Variants in TANGO6 observed in about 807,000 individuals in gnomAD.
TANGO6 encodes the protein transport and Golgi organization protein 6 homolog.
Under a neutral mutation model 114.2 loss-of-function variants are expected in TANGO6, and 90 were observed. That is an observed-to-expected ratio of 0.79 (90% CI 0.66 to 0.94). The LOEUF is 0.94. Among genes scored for constraint, TANGO6 ranks in the 40% least tolerant of loss-of-function variants. The pLI is 0.00. For synonymous variants in TANGO6, 477 were observed against 509.8 expected (o/e 0.94, Z 0.87); for missense variants, 1,274 against 1,315.3 (o/e 0.97, Z 0.49).
At chr16:69,050,293 GT>G (rs1959926809) in intron 17 of TANGO6, among the ~76,000 whole-genome samples, 1 of 152,048 alleles carries the variant, frequency 6.6e-6, no homozygotes. Flanking sequence ...CTATGATAAG[GT>G]TTAGATTTTG....
At chr16:68,946,483 C>T (rs959519222) in intron 14 of TANGO6, among the ~76,000 whole-genome samples, 5 of 151,876 alleles carry the variant, frequency 3.3e-5, no homozygotes, top group African/African-American at 4.8e-5. Flanking sequence ...CGTGAGCCAC[C>T]GCGCCCGGCC....
intron 16 of TANGO6, among the ~76,000 whole-genome samples, chr16:69,032,950 C>T (rs771248220): frequency 2.0e-5 from 3 of 151,202 alleles, no homozygotes; most frequent in Non-Finnish European, 4.4e-5. Flanking sequence ...CTTTGGAAGG[C>T]CAAGGCAGGC....
intron 12 of TANGO6, among the ~76,000 whole-genome samples, chr16:68,925,357 A>C (rs1434437264): frequency 6.6e-6 from 1 of 152,170 alleles, no homozygotes. Context: ...GACATTGAGT[A>C]TGTCTTCCTA....
rs1176008815 is a variant in TANGO6 at position 69,083,940 on chromosome 16, G to A, written c.*279G>A. 3.8e-6 allele frequency: 1 copy of A among 263,966 alleles called. No homozygotes were observed. Among genetic ancestry groups the A allele is most frequent in the Non-Finnish European group, 7.1e-6 (1 of 140,008 alleles). 16.4% of individuals were successfully genotyped at this position (263,966 alleles called of 1,614,324 possible). ...TGTCCTCTAGCATTGAAAGAAGGAT[G>A]TCTACCTGGTGAAAGTATATTTTAA... On this transcript the variant is annotated 3_prime_UTR_variant, in exon 18 of 18. Transcript: ENST00000261778.
rs758544879 is a variant in TANGO6, at chr16:69,083,535, G to C, written c.3159G>C (p.Val1053=). 9.9e-6 allele frequency: 16 copies of C among 1,612,482 alleles called. No individual in the cohort carries two copies. Among genetic ancestry groups the C allele is most frequent in the Non-Finnish European group, 1.4e-5 (16 of 1,179,296 alleles). Residue 1053 remains valine (V), a synonymous_variant, in exon 18 of 18, where the codon GTG becomes GTC. Coordinates refer to ENST00000261778, the MANE Select transcript of TANGO6 (RefSeq NM_024562.2). ...TCTACCACCTGCTGAAGCACGTAGTGTGTCTGGAGCCCGATGACGTGGCCA... is the reference window on the plus strand; with the variant it reads ...TCTACCACCTGCTGAAGCACGTAGTCTGTCTGGAGCCCGATGACGTGGCCA... ...KDLYHLLKHV[V]CLEPDDVAKL...
At chr16:69,035,346 G>C (rs1959669611) in intron 16 of TANGO6, 1 of 152,222 alleles carries the variant, frequency 6.6e-6, no homozygotes, top group Admixed American at 6.5e-5. Context: ...AGATGGTGAA[G>C]TTGCAGACAA....
At chr16:68,859,382 G>C (rs1361488726) in intron 1 of TANGO6, among the ~76,000 whole-genome samples, 5 of 152,084 alleles carry the variant, frequency 3.3e-5, no homozygotes, top group African/African-American at 2.4e-5. Flanking sequence ...TGTCGCCCAG[G>C]CTGGTCTTGA....
intron 17 of TANGO6, among the ~76,000 whole-genome samples, chr16:69,078,192 A>C (rs1960415601): frequency 6.6e-6 from 1 of 152,216 alleles, no homozygotes; most frequent in African/African-American, 2.4e-5. Context: ...AAAAGAAAGA[A>C]GGCCGGCACA....
rs770585601 is a variant in TANGO6, at chr16:68,927,976, G to A, written c.2536G>A (p.Ala846Thr). The change falls in exon 13 of 18, where the codon GCT (alanine) becomes ACT (threonine). Residue 846 changes from alanine (A) to threonine (T), a missense_variant. Coordinates refer to ENST00000261778, the MANE Select transcript of TANGO6 (RefSeq NM_024562.2). ...ACAGCTCCAAGAGGTTCTTTTGTCA[G>A]CTTATGACCCTCAAATTCCAACACG... ...TEQLQEVLLS[A>T]YDPQIPTRAA... is the part of the protein sequence containing the mutation. The A allele has an allele frequency of 1.2e-6, 2 of 1,613,324 alleles. No individual in the cohort carries two copies. The highest frequency in any genetic ancestry group is 2.7e-5 in the African/African-American group (2 of 74,904).
At chr16:69,025,693 C>T (rs1887238346) in intron 16 of TANGO6, among the ~76,000 whole-genome samples, 1 of 151,968 alleles carries the variant, frequency 6.6e-6, no homozygotes, top group Admixed American at 6.6e-5. Flanking sequence ...CACTGGGTAC[C>T]TGCCCCTATC....
At position 68,860,522 on chromosome 16, in the gene TANGO6, G is replaced by T; in HGVS notation, c.733G>T (p.Glu245Ter). 6.2e-7 allele frequency: 1 copy of T among 1,612,580 alleles called. No homozygotes were observed. The highest frequency in any genetic ancestry group is 1.1e-5 in the South Asian group (1 of 91,062). The change falls in exon 2 of 18, where the codon GAG becomes TAG. Residue 245 changes from glutamate (E) to a stop codon, truncating the protein, a stop_gained and splice_region_variant. Transcript: ENST00000261778. LOFTEE classifies it high-confidence loss of function. Reference sequence around the variant, plus strand: ...AAGAAAACTGCTAACACCTGCAGAAGAGGTAAATATACATTGAGAAAGAGA... The same window carrying T: ...AAGAAAACTGCTAACACCTGCAGAATAGGTAAATATACATTGAGAAAGAGA... ...TKRKLLTPAE[E>*]VLTEEERTLS... is the part of the protein sequence containing the mutation.
chr16:68,872,142 A>C (rs1036780590), intron 4 of TANGO6, among the ~76,000 whole-genome samples: 5 of 150,484 alleles, frequency 3.3e-5, no homozygotes, highest in Admixed American at 3.3e-4. Flanking sequence ...AATCGCTTGA[A>C]CCTGGGAGGT....
intron 14 of TANGO6, among the ~76,000 whole-genome samples, chr16:68,930,635 C>CTTT (rs35493432): frequency 3.7e-5 from 5 of 134,154 alleles, no homozygotes; most frequent in East Asian, 2.1e-4. Context: ...CGGCTACTGT[C>CTTT]TTTTTTTTTT....
intron 14 of TANGO6, among the ~76,000 whole-genome samples, chr16:68,968,931 A>T (rs1426030152): frequency 6.6e-6 from 1 of 152,070 alleles, no homozygotes; most frequent in African/African-American, 2.4e-5. Context: ...CGGCCTCCCA[A>T]AGTGCTGGGA....
chr16:69,056,591 C>A (rs1459539202), intron 17 of TANGO6, among the ~76,000 whole-genome samples: 3 of 151,460 alleles, frequency 2.0e-5, no homozygotes, highest in Non-Finnish European at 4.4e-5. Context: ...AAAAAAAAAC[C>A]CACAATTTCC....
chr16:68,924,153 T>C (rs977300238), intron 12 of TANGO6, among the ~76,000 whole-genome samples: 7 of 152,134 alleles, frequency 4.6e-5, no homozygotes, highest in African/African-American at 1.4e-4. Flanking sequence ...AAAAAGAAAA[T>C]GACTTTCCAG....
chr16:69,027,964 T>C (rs1474424255), intron 16 of TANGO6, among the ~76,000 whole-genome samples: 1 of 151,968 alleles, frequency 6.6e-6, no homozygotes, highest in Non-Finnish European at 1.5e-5. Flanking sequence ...TAATTTTTTT[T>C]CTTTTTTTGT....
At position 68,930,272 on chromosome 16, in the gene TANGO6, T is replaced by TGGAACA; in HGVS notation, c.2678_2679insGGAACA (p.Phe893delinsLeuGluHis). 6.4e-7 allele frequency: 1 copy of TGGAACA among 1,554,638 alleles called. No homozygotes were observed. The highest frequency in any genetic ancestry group is 8.7e-7 in the Non-Finnish European group (1 of 1,147,936). On this transcript the variant is annotated protein_altering_variant, in exon 14 of 18. Transcript: ENST00000261778. ...GAAAACTTGGAACATGAAGACACTT[T>TGGAACA]TGTATATCTATCTGCAATTCAGGGT...
At chr16:68,932,968 C>T (rs1010337743) in intron 14 of TANGO6, among the ~76,000 whole-genome samples, 65 of 152,278 alleles carry the variant, frequency 4.3e-4, no homozygotes, top group African/African-American at 1.4e-3. Flanking sequence ...CTGCTTAGCA[C>T]AGTGTTCAAT....
Sources: gnomAD v4.1 joint callset for allele counts (sites outside exome capture counted in the v4.1 genomes callset) on GRCh38, gnomAD v4.1.1 for gene constraint, MANE v1.5 for transcripts, NCBI Gene and HGNC (gene_info 2026-07-23, HGNC 2026-07-21) for gene names.